Variants in ZIM2 observed in about 807,000 individuals in gnomAD.
ZIM2 encodes the protein zinc finger imprinted 2, also known as zinc finger protein 656.
Under a neutral mutation model 38.6 loss-of-function variants are expected in ZIM2, and 14 were observed. The observed-to-expected ratio is 0.36, with a 90% CI of 0.24 to 0.57. The LOEUF is 0.57. Ranked by LOEUF, ZIM2 falls within the 20% of genes least tolerant of loss-of-function variation. The pLI is 0.81. For missense variants in ZIM2, 680 were observed against 695.1 expected (o/e 0.98, Z 0.24); for synonymous variants, 247 against 245.8 (o/e 1.00, Z -0.04).
chr19:56,805,483 T>C (rs1199827742), intron 9 of ZIM2, among the ~76,000 whole-genome samples: 1 of 152,182 alleles, frequency 6.6e-6, no homozygotes, highest in Non-Finnish European at 1.5e-5. Context: ...TTGCTTTATC[T>C]AAGTGTCTCC....
intron 6 of ZIM2, 89 bp downstream of exon 6, chr19:56,822,643 TACTCCAAATGGAGCAGCAGAA>T: frequency 6.9e-7 from 1 of 1,449,462 alleles, no homozygotes; most frequent in Non-Finnish European, 9.4e-7. Flanking sequence ...AAGCGGAATA[TACTCCAAATGGAGCAGCAGAA>T]ACTTCGAGGC....
At chr19:56,801,934 C>T (rs1300818833) in intron 9 of ZIM2, among the ~76,000 whole-genome samples, 1 of 152,134 alleles carries the variant, frequency 6.6e-6, no homozygotes, top group Non-Finnish European at 1.5e-5. Context: ...TCACAGGATA[C>T]CTATCCATAA....
chr19:56,817,217 C>G (rs1037683610), intron 9 of ZIM2: 11 of 1,614,202 alleles, frequency 6.8e-6, no homozygotes, highest in Non-Finnish European at 9.3e-6. Context: ...CTGGGACAGC[C>G]TTTTTGATCG....
chr19:56,786,415 TAAAC>T (rs1013068128), intron 10 of ZIM2, among the ~76,000 whole-genome samples: 1 of 152,148 alleles, frequency 6.6e-6, no homozygotes, highest in African/African-American at 2.4e-5. Flanking sequence ...CGTTGGTGAA[TAAAC>T]AAACAGATGA....
At chr19:56,786,215 A>T (rs2046595706) in intron 10 of ZIM2, among the ~76,000 whole-genome samples, 1 of 152,142 alleles carries the variant, frequency 6.6e-6, no homozygotes, top group Non-Finnish European at 1.5e-5. Flanking sequence ...TACACATAAG[A>T]AGAATAGTAT....
Position 56,816,540 on chromosome 19 carries a change from C to T in ZIM2, c.490+1206G>A, listed in dbSNP as rs779388459. Reference sequence around the variant, plus strand: ...TCAGGGATGAGCTATGAAGGAAAGTCTCCCCACACACCTTACATTCGTACA... The same window carrying T: ...TCAGGGATGAGCTATGAAGGAAAGTTTCCCCACACACCTTACATTCGTACA... On this transcript the variant is annotated intron_variant, in intron 9 of 12. Coordinates refer to ENST00000629319, the MANE Select transcript of ZIM2 (RefSeq NM_001387356.1). 1.9e-6 allele frequency: 3 copies of T among 1,613,800 alleles called. No individual in the cohort carries two copies. In the African/African-American group the frequency reaches 4.0e-5, roughly 22 times the overall value.
At chr19:56,834,618 T>TAAATGTGG (rs2061897367) in intron 2 of ZIM2, among the ~76,000 whole-genome samples, 2 of 152,168 alleles carry the variant, frequency 1.3e-5, no homozygotes, top group Non-Finnish European at 2.9e-5. Context: ...TGAGCTTAGT[T>TAAATGTGG]AAATGTGGAT....
chr19:56,840,158 T>C (rs2062833252), intron 1 of ZIM2, among the ~76,000 whole-genome samples: 1 of 152,148 alleles, frequency 6.6e-6, no homozygotes, highest in Non-Finnish European at 1.5e-5. Context: ...CATTCCGCCG[T>C]GGCAACAGGG....
At chr19:56,795,613 C>T (rs1206476272) in intron 9 of ZIM2, among the ~76,000 whole-genome samples, 2 of 152,206 alleles carry the variant, frequency 1.3e-5, no homozygotes, top group African/African-American at 4.8e-5. Flanking sequence ...CCCTGTGAGA[C>T]ACGAGGATAG....
chr19:56,779,877 A>C (rs1017001776), intron 11 of ZIM2, among the ~76,000 whole-genome samples: 4 of 152,230 alleles, frequency 2.6e-5, no homozygotes, highest in Admixed American at 2.6e-4. Flanking sequence ...CTGCTCAAAA[A>C]GTCAACATTA....
intron 2 of ZIM2, among the ~76,000 whole-genome samples, chr19:56,827,393 T>C (rs1396080785): frequency 6.6e-6 from 1 of 152,108 alleles, no homozygotes; most frequent in Non-Finnish European, 1.5e-5. Flanking sequence ...AAAATGGAAG[T>C]TATTTTTTTA....
intron 12 of ZIM2, among the ~76,000 whole-genome samples, chr19:56,776,404 G>C (rs2046011295): frequency 6.6e-6 from 1 of 152,168 alleles, no homozygotes; most frequent in African/African-American, 2.4e-5. Context: ...GTAGGATTCA[G>C]AACTTTTAAT....
intron 9 of ZIM2, chr19:56,813,804 G>C (rs189053356): frequency 1.2e-6 from 2 of 1,614,006 alleles, no homozygotes; most frequent in Non-Finnish European, 1.7e-6. Context: ...TGGCACGTTC[G>C]ATGTAGCCTG....
intron 10 of ZIM2, among the ~76,000 whole-genome samples, chr19:56,788,439 C>T (rs909812469): frequency 2.0e-5 from 3 of 152,124 alleles, no homozygotes; most frequent in African/African-American, 7.2e-5. Flanking sequence ...ATCCTGAGTT[C>T]TAAATTCTTT....
Position 56,815,879 on chromosome 19 carries a change from A to G in ZIM2, c.490+1867T>C, listed in dbSNP as rs751233906. 3.7e-6 allele frequency: 6 copies of G among 1,613,342 alleles called. No homozygotes were observed. The African/African-American group carries it at 8.0e-5, about 22-fold the overall frequency. ...ATGGAGGATTCTCCCTTCTCATTAG[A>G]TTCCACCAATTCATTTCCATTGTGA... On this transcript the variant is annotated intron_variant, in intron 9 of 12. Transcript: ENST00000629319.
chr19:56,774,936 G>C lies in ZIM2; in HGVS notation c.1429C>G (p.His477Asp), dbSNP rs1323252263. The C allele has an allele frequency of 6.2e-7, 1 of 1,614,018 alleles. No homozygotes were observed. Among genetic ancestry groups the C allele is most frequent in the Non-Finnish European group, 8.5e-7 (1 of 1,180,038 alleles). Residue 477 changes from histidine to aspartate, a missense_variant, in exon 13 of 13, where the codon CAC becomes GAC. Physicochemically the swap from His to Asp is moderately conservative, Grantham distance 81. Coordinates refer to ENST00000629319, the MANE Select transcript of ZIM2 (RefSeq NM_001387356.1). ...TAACGAATTAAGTATGTCTTGCTGT[G>C]GGACAACCCAGGAGGAAGGACTCTT... ...AARVLPPGLS[H>D]SKTYLIRYQR...
At chr19:56,826,721 C>A (rs1447413323) in intron 2 of ZIM2, among the ~76,000 whole-genome samples, 4 of 152,224 alleles carry the variant, frequency 2.6e-5, no homozygotes, top group South Asian at 2.1e-4. Flanking sequence ...AAACCACGAA[C>A]CAAAACTCAT....
intron 1 of ZIM2, among the ~76,000 whole-genome samples, chr19:56,837,380 A>C (rs925857904): frequency 6.6e-6 from 1 of 152,190 alleles, no homozygotes; most frequent in Non-Finnish European, 1.5e-5. Context: ...CTTCACCAAC[A>C]GAGTCTCCAA....
intron 9 of ZIM2, among the ~76,000 whole-genome samples, chr19:56,801,095 C>T (rs529933998): frequency 2.0e-5 from 3 of 151,846 alleles, no homozygotes; most frequent in African/African-American, 4.8e-5. Context: ...CCACCATGCC[C>T]GGCTAATTTT....
Sources: allele counts gnomAD v4.1 joint callset (sites outside exome capture counted in the v4.1 genomes callset), GRCh38; gene constraint gnomAD v4.1.1; transcripts MANE v1.5; gene names NCBI Gene and HGNC (gene_info 2026-07-23, HGNC 2026-07-21).